CRIM1: variants seen among roughly 807,000 people sequenced by gnomAD.
The protein encoded by CRIM1 is cysteine-rich motor neuron 1 protein.
Under a neutral mutation model 116.4 loss-of-function variants are expected in CRIM1, and 32 were observed. The ratio of observed to expected loss-of-function variants is 0.27; its 90% CI spans 0.21 to 0.37. The LOEUF (loss-of-function observed/expected upper bound fraction) is 0.37. Among genes scored for constraint, CRIM1 ranks in the 10% least tolerant of loss-of-function variants. The probability of loss-of-function intolerance (pLI) is 1.00; values close to 1 mark genes in which losing one functional copy is unlikely to be tolerated. For missense variants in CRIM1, 1,331 were observed against 1,354.8 expected (o/e 0.98, Z 0.28); for synonymous variants, 590 against 509.2 (o/e 1.16, Z -2.13).
intron 11 of CRIM1, 80 bp downstream of exon 11, chr2:36,513,845 G>C (rs757912693): frequency 2.1e-5 from 28 of 1,338,312 alleles, no homozygotes; most frequent in Non-Finnish European, 2.8e-5. Context: ...TTGTAACTCT[G>C]GGGAGGTTGG....
intron 13 of CRIM1, among the ~76,000 whole-genome samples, chr2:36,531,088 A>G (rs1013659761): frequency 6.6e-6 from 1 of 152,354 alleles, no homozygotes; most frequent in South Asian, 2.1e-4. Flanking sequence ...TAAGAGCTGC[A>G]TTTAGCTTCT....
chr2:36,546,216 C>G (rs191659834), intron 15 of CRIM1, among the ~76,000 whole-genome samples: 15 of 152,208 alleles, frequency 9.9e-5, no homozygotes, highest in Admixed American at 9.2e-4. Context: ...TGAAACAAAA[C>G]AGAATATAAA....
At chr2:36,370,016 A>T (rs1316756094) in intron 1 of CRIM1, among the ~76,000 whole-genome samples, 1 of 152,230 alleles carries the variant, frequency 6.6e-6, no homozygotes, top group Non-Finnish European at 1.5e-5. Context: ...TACTCTGTAG[A>T]TCAGCAAACT....
intron 1 of CRIM1, among the ~76,000 whole-genome samples, chr2:36,390,205 C>G (rs999933621): frequency 1.3e-5 from 2 of 152,070 alleles, no homozygotes; most frequent in Admixed American, 6.5e-5. Context: ...ATAAGTTGTT[C>G]ACTCTTATAA....
chr2:36,372,889 A>G (rs2148310401), intron 1 of CRIM1, among the ~76,000 whole-genome samples: 2 of 152,336 alleles, frequency 1.3e-5, no homozygotes, highest in South Asian at 4.1e-4. Context: ...CTGGTTGTCC[A>G]TAATGAACAG....
chr2:36,544,090 T>C (rs1667144638), intron 14 of CRIM1, among the ~76,000 whole-genome samples: 1 of 152,242 alleles, frequency 6.6e-6, no homozygotes, highest in African/African-American at 2.4e-5. Context: ...CCCTTCAGTT[T>C]CCATAAAATT....
intron 1 of CRIM1, among the ~76,000 whole-genome samples, chr2:36,363,536 C>G (rs1018026835): frequency 1.4e-5 from 2 of 141,918 alleles, no homozygotes; most frequent in African/African-American, 5.0e-5. Flanking sequence ...GCCGCCCCCC[C>G]CCCCCATGAC....
chr2:36,489,072 C>A (rs1295811252), intron 7 of CRIM1, among the ~76,000 whole-genome samples: 1 of 152,172 alleles, frequency 6.6e-6, no homozygotes, highest in African/African-American at 2.4e-5. Flanking sequence ...AAAAAGTATT[C>A]ATTCATGATA....
At chr2:36,547,305 A>C in intron 16 of CRIM1, 134 bp downstream of exon 16, 1 of 679,152 alleles carries the variant, frequency 1.5e-6, no homozygotes. Flanking sequence ...AATCCATACC[A>C]GGCTATAGTA....
chr2:36,403,865 A>G (rs1292871200), intron 2 of CRIM1, among the ~76,000 whole-genome samples: 1 of 152,100 alleles, frequency 6.6e-6, no homozygotes, highest in Admixed American at 6.6e-5. Flanking sequence ...CAAGGGGAGG[A>G]TGAGAGTTAC....
Position 36,442,619 on chromosome 2 carries a change from C to T in CRIM1, c.753C>T (p.Phe251=), listed in dbSNP as rs1179240079. The T allele has an allele frequency of 1.1e-5, 17 of 1,613,946 alleles. No homozygotes were observed. Among genetic ancestry groups the T allele is most frequent in the South Asian group, 9.9e-5 (9 of 91,074 alleles). ...CCDLYECKPV[F]GVDCRTVECP... ...CTCTCTGTTTGCCCCTTTCAGTTTT[C>T]GGCGTGGACTGCAGGACTGTGGAAT... The change falls in exon 4 of 17, where the codon TTC becomes TTT. Residue 251 remains phenylalanine, a synonymous_variant. Coordinates refer to ENST00000280527, the MANE Select transcript of CRIM1 (RefSeq NM_016441.3).
At chr2:36,535,515 C>A (rs1439914762) in intron 13 of CRIM1, among the ~76,000 whole-genome samples, 1 of 152,168 alleles carries the variant, frequency 6.6e-6, no homozygotes, top group African/African-American at 2.4e-5. Flanking sequence ...AAATTGATTT[C>A]TGATTACAAC....
chr2:36,449,266 G>T (rs1275257403), intron 4 of CRIM1, among the ~76,000 whole-genome samples: 1 of 152,138 alleles, frequency 6.6e-6, no homozygotes, highest in Non-Finnish European at 1.5e-5. Context: ...GCATTGTGGA[G>T]CTGGAAGGGT....
At chr2:36,461,073 T>C (rs904651323) in intron 4 of CRIM1, among the ~76,000 whole-genome samples, 4 of 152,212 alleles carry the variant, frequency 2.6e-5, no homozygotes, top group African/African-American at 7.2e-5. Flanking sequence ...GAGTGTTGAA[T>C]GCTAGGCTGA....
chr2:36,356,735 G>T lies in CRIM1; in HGVS notation c.331+112G>T. ...TTTCTGGAGGAAAGAGGGCTCTGCG[G>T]GAAGAGGGGCGGCCGCCGCCCCCAG... On this transcript the variant is annotated intron_variant, in intron 1 of 16. Coordinates refer to ENST00000280527, the MANE Select transcript of CRIM1 (RefSeq NM_016441.3). This position sits in a 1 kb window ranked among gnomAD's most constrained non-coding sequence, Gnocchi z 4.3. 1 of 1,097,362 alleles carries T rather than the reference G, an allele frequency of 9.1e-7. No homozygotes were observed. The highest frequency in any genetic ancestry group is 1.3e-6 in the Non-Finnish European group (1 of 785,426). 68.0% of individuals were successfully genotyped at this position (1,097,362 alleles called of 1,614,324 possible).
chr2:36,478,557 C>G (rs1413206801), intron 6 of CRIM1, among the ~76,000 whole-genome samples: 1 of 152,210 alleles, frequency 6.6e-6, no homozygotes, highest in African/African-American at 2.4e-5. Context: ...CCGCCTCCCT[C>G]TCTGGCAGAC....
chr2:36,464,510 T>G, intron 4 of CRIM1, 24 bp from the exon 5 acceptor site: 4 of 1,613,870 alleles, frequency 2.5e-6, no homozygotes, highest in Non-Finnish European at 3.4e-6. Flanking sequence ...CATGGGGTTT[T>G]CCTTCCCTTT....
chr2:36,398,571 T>G (rs900565405), intron 2 of CRIM1, among the ~76,000 whole-genome samples: 1 of 152,234 alleles, frequency 6.6e-6, no homozygotes, highest in Non-Finnish European at 1.5e-5. Context: ...TTTGAGATCA[T>G]TCCCACAGGA....
At chr2:36,497,051 A>T (rs893931742) in intron 7 of CRIM1, among the ~76,000 whole-genome samples, 1 of 152,216 alleles carries the variant, frequency 6.6e-6, no homozygotes, top group Non-Finnish European at 1.5e-5. Flanking sequence ...TATGATGATT[A>T]TACATTTTTC....
Sources: gnomAD v4.1 joint callset for allele counts (sites outside exome capture counted in the v4.1 genomes callset) on GRCh38, gnomAD v4.1.1 for gene constraint, Gnocchi (gnomAD v3.1) non-coding constraint, MANE v1.5 for transcripts, NCBI Gene and HGNC (gene_info 2026-07-23, HGNC 2026-07-21) for gene names.